Variants in DPM1 observed in about 807,000 individuals in gnomAD.
DPM1 encodes dolichyl-phosphate mannosyltransferase subunit 1, catalytic.
A neutral mutation model predicts 39.0 loss-of-function variants in DPM1; 27 were observed. That is an observed-to-expected ratio of 0.69 (90% CI 0.51 to 0.95). The LOEUF (loss-of-function observed/expected upper bound fraction) is 0.95. Among genes scored for constraint, DPM1 ranks in the 40% least tolerant of loss-of-function variants. The pLI, the probability that DPM1 is intolerant of heterozygous loss-of-function variation, is 0.00. For synonymous variants in DPM1, 124 were observed against 109.0 expected, an observed-to-expected ratio of 1.14 and a Z score of -0.86; for missense variants, 307 against 315.6, an observed-to-expected ratio of 0.97 and a Z score of 0.21.
Position 50,935,009 on chromosome 20 carries a change from G to C in DPM1, c.*123C>G. ...ATAAAATAGGTGGTCTTCATAAAAA[G>C]ATGCATGAAATTTACCTTACCTTAT... On this transcript the variant is annotated 3_prime_UTR_variant, in exon 9 of 9. Coordinates refer to ENST00000371588, the MANE Select transcript of DPM1 (RefSeq NM_003859.3). The C allele has an allele frequency of 1.6e-6, 1 of 619,028 alleles. No homozygotes were observed. The highest frequency in any genetic ancestry group is 2.9e-6 in the Non-Finnish European group (1 of 345,566). 38.3% of individuals were successfully genotyped at this position (619,028 alleles called of 1,614,324 possible). A position where few individuals can be genotyped will look rare whatever the true frequency, so the allele number is the denominator to read the frequency against.
chr20:50,958,338 C>T (rs1310539346), intron 1 of DPM1, 25 bp downstream of exon 1: 1 of 1,611,166 alleles, frequency 6.2e-7, no homozygotes, highest in African/African-American at 1.3e-5. Flanking sequence ...TCTCATTCTT[C>T]GGGGAGGGAG....
At chr20:50,935,928 T>C (rs1007610755) in intron 8 of DPM1, among the ~76,000 whole-genome samples, 1 of 152,248 alleles carries the variant, frequency 6.6e-6, no homozygotes, top group Non-Finnish European at 1.5e-5. Context: ...TACCAGGAAC[T>C]TTTAATTATT....
rs139211110 is a variant in DPM1, at chr20:50,945,916, T to A, written c.303A>T (p.Ala101=). ...TGGCATGTTTCATTCCATGAATATA[T>A]GCAGTTCCTAAAAATGAAAGTAGAT... ...PREKKLGLGT[A]YIHGMKHATG... is the part of the protein sequence containing the mutation. Residue 101 remains alanine (A), a synonymous_variant, in exon 4 of 9, where the codon GCA becomes GCT. Coordinates refer to ENST00000371588, the MANE Select transcript of DPM1 (RefSeq NM_003859.3). 12 of 1,612,880 alleles carry A rather than the reference T, an allele frequency of 7.4e-6. No individual in the cohort carries two copies. In the African/African-American group the frequency reaches 8.0e-5, roughly 11 times the overall value.
chr20:50,955,421 C>A, intron 1 of DPM1, 136 bp from the exon 2 acceptor site: 2 of 682,344 alleles, frequency 2.9e-6, no homozygotes, highest in Non-Finnish European at 5.1e-6. Context: ...CTTCAATTAT[C>A]AAATGAAATA....
chr20:50,948,285 T>TCCTGC (rs201419459), intron 3 of DPM1, among the ~76,000 whole-genome samples: 2,718 of 152,218 alleles, frequency 0.018, 25 homozygotes, highest in Non-Finnish European at 0.027. Flanking sequence ...TAACATCTCT[T>TCCTGC]CCTGCCGTTG....
chr20:50,949,830 T>C (rs1421328394), intron 2 of DPM1, among the ~76,000 whole-genome samples: 1 of 152,078 alleles, frequency 6.6e-6, no homozygotes, highest in Non-Finnish European at 1.5e-5. Flanking sequence ...TCTTTTTCCA[T>C]CCCTTCACTT....
chr20:50,951,878 T>C (rs1312322944), intron 2 of DPM1, among the ~76,000 whole-genome samples: 1 of 152,256 alleles, frequency 6.6e-6, no homozygotes, highest in Non-Finnish European at 1.5e-5. Flanking sequence ...AAGGATGTGC[T>C]TGTTTATTTC....
rs550762060 is a variant in DPM1 at position 50,937,404 on chromosome 20, A to T, written c.564-1142T>A. Among the ~76,000 whole-genome samples the T allele has an allele frequency of 5.0e-4, 76 of 152,250 alleles. 1 individual carries two copies. The highest frequency in any genetic ancestry group is 1.6e-3 in the Admixed American group (25 of 15,292). On this transcript the variant is annotated intron_variant, in intron 7 of 8. Transcript: ENST00000371588. ...GGAGAGAGGAGAATCTGATGGTAGCAATATTTATTCAATAATAAATATTTA... is the reference window on the plus strand; with the variant it reads ...GGAGAGAGGAGAATCTGATGGTAGCTATATTTATTCAATAATAAATATTTA...
At chr20:50,935,866 G>C (rs1424511952) in intron 8 of DPM1, among the ~76,000 whole-genome samples, 1 of 152,186 alleles carries the variant, frequency 6.6e-6, no homozygotes, top group Admixed American at 6.5e-5. Flanking sequence ...GAAGCAAAGA[G>C]ACTCAGTCCA....
rs768131268 is a variant in DPM1, at chr20:50,938,801, G to GA, written c.563+2063dup. On this transcript the variant is annotated intron_variant, in intron 7 of 8. Coordinates refer to ENST00000371588, the MANE Select transcript of DPM1 (RefSeq NM_003859.3). ...TCAAGACCAGCCTGACCAACGTGGA[G>GA]AAACCCCATCTCTACTAAAAATACA... Among the ~76,000 whole-genome samples the GA allele has an allele frequency of 4.6e-5, 7 of 151,518 alleles. No homozygotes were observed. The East Asian group carries it at 1.4e-3, about 30-fold the overall frequency.
chr20:50,955,568 C>T (rs1316461621), intron 1 of DPM1, among the ~76,000 whole-genome samples: 2 of 152,076 alleles, frequency 1.3e-5, no homozygotes, highest in East Asian at 1.9e-4. Context: ...ACCTATGTAT[C>T]ATATGAATTT....
At chr20:50,939,428 C>T (rs576031425) in intron 7 of DPM1, among the ~76,000 whole-genome samples, 6 of 151,834 alleles carry the variant, frequency 4.0e-5, no homozygotes, top group Non-Finnish European at 7.4e-5. Context: ...TGCAGTGGCG[C>T]GATCTCAGCT....
chr20:50,935,660 G>T (rs186449343), intron 8 of DPM1, among the ~76,000 whole-genome samples: 7 of 152,230 alleles, frequency 4.6e-5, no homozygotes, highest in Admixed American at 3.9e-4. Context: ...CTATTTTCTT[G>T]CTCTGAATAA....
intron 2 of DPM1, among the ~76,000 whole-genome samples, chr20:50,951,381 A>ACT (rs1181344335): frequency 6.6e-6 from 1 of 152,254 alleles, no homozygotes; most frequent in Admixed American, 6.5e-5. Context: ...TTAAAAAACA[A>ACT]GACCACCACA....
intron 5 of DPM1, among the ~76,000 whole-genome samples, chr20:50,943,662 T>A (rs1359846952): frequency 1.4e-5 from 2 of 145,408 alleles, no homozygotes; most frequent in East Asian, 2.2e-4. Context: ...CTGGCCACAA[T>A]AAACGTTTTT....
chr20:50,942,573 A>G (rs1306150970), intron 5 of DPM1, among the ~76,000 whole-genome samples: 6 of 151,802 alleles, frequency 4.0e-5, no homozygotes, highest in African/African-American at 1.2e-4. Flanking sequence ...GGAGGCTGCA[A>G]TGGGAGGATG....
intron 8 of DPM1, 115 bp downstream of exon 8, chr20:50,936,033 T>C (rs1014581643): frequency 2.7e-6 from 2 of 737,422 alleles, no homozygotes; most frequent in Non-Finnish European, 4.8e-6. Context: ...TCTAAACAAC[T>C]AGAAGACCTC....
chr20:50,939,427 G>T (rs988343974), intron 7 of DPM1, among the ~76,000 whole-genome samples: 1 of 151,588 alleles, frequency 6.6e-6, no homozygotes. Flanking sequence ...GTGCAGTGGC[G>T]CGATCTCAGC....
intron 7 of DPM1, 53 bp from the exon 8 acceptor site, chr20:50,936,315 G>T: frequency 8.3e-7 from 1 of 1,201,654 alleles, no homozygotes; most frequent in Non-Finnish European, 1.2e-6. Flanking sequence ...ACATGCCTAT[G>T]TATCCTGACC....
Sources: gnomAD v4.1 joint callset for allele counts (sites outside exome capture counted in the v4.1 genomes callset) on GRCh38, gnomAD v4.1.1 for gene constraint, MANE v1.5 for transcripts, NCBI Gene and HGNC (gene_info 2026-07-23, HGNC 2026-07-21) for gene names.